The following RPS29 variants were observed in gnomAD, a reference collection of about 807,000 sequenced individuals.
RPS29 encodes small ribosomal subunit protein uS14.
For synonymous variants in RPS29, 37 were observed against 26.9 expected, an observed-to-expected ratio of 1.37 and a Z score of -1.16; for missense variants, 60 against 75.7, an observed-to-expected ratio of 0.79 and a Z score of 0.77.
chr14:49,598,660 A>C, exon 1 of RPS29: 1 of 700,762 alleles, frequency 1.4e-6, no homozygotes, highest in Non-Finnish European at 2.6e-6. Context: ...TAAAGCGTCA[A>C]CAGCTGAAAC....
At chr14:49,586,707 T>C (rs959375870), upstream of RPS29, 1 of 268,602 alleles carries the variant, frequency 3.7e-6, no homozygotes, top group South Asian at 4.2e-5. Flanking sequence ...AAGTTCGGCA[T>C]CAATATGGTG....
At chr14:49,589,424 G>A (rs1159587210), upstream of RPS29, among the ~76,000 whole-genome samples, 3 of 152,134 alleles carry the variant, frequency 2.0e-5, no homozygotes, top group African/African-American at 7.2e-5. Context: ...GCAAAGTATA[G>A]ATCTTATTTT....
exon 1 of RPS29, chr14:49,598,645 A>G: frequency 1.4e-6 from 1 of 700,912 alleles, no homozygotes; most frequent in Non-Finnish European, 2.6e-6. Flanking sequence ...TGCGCCCGCA[A>G]CGCGTAAAGC....
exon 3 of RPS29, chr14:49,573,124 G>GAAAGAA: frequency 1.3e-5 from 2 of 148,548 alleles, no homozygotes; most frequent in African/African-American, 5.1e-5. Context: ...AAGAAAGAAA[G>GAAAGAA]AGAAAGAAAG....
chr14:49,591,619 A>AT (rs35067386), intron 1 of RPS29, among the ~76,000 whole-genome samples: 23,055 of 117,068 alleles, frequency 0.2, 2,417 homozygotes, highest in Admixed American at 0.26. Context: ...GCCCAATTTG[A>AT]TTTTTTTTTT....
chr14:49,586,188 T>C, intron 1 of RPS29, 97 bp downstream of exon 1: 1 of 1,419,344 alleles, frequency 7.0e-7, no homozygotes, highest in Non-Finnish European at 1.0e-6. Flanking sequence ...CCAGTCGGCG[T>C]GCTCCCTCGT....
At chr14:49,583,392 AGAG>A (rs1181044756), downstream of RPS29, among the ~76,000 whole-genome samples, 1 of 152,126 alleles carries the variant, frequency 6.6e-6, no homozygotes, top group Non-Finnish European at 1.5e-5. Flanking sequence ...TCTACTAAAA[AGAG>A]AAGAATTAGC....
At chr14:49,582,268 AAG>A (rs1881362967), downstream of RPS29, among the ~76,000 whole-genome samples, 1 of 152,078 alleles carries the variant, frequency 6.6e-6, no homozygotes, top group Admixed American at 6.6e-5. Context: ...ACCTCTACAA[AAG>A]TAAGTTTCCA....
exon 1 of RPS29, chr14:49,598,661 C>A (rs1395903673): frequency 2.9e-6 from 2 of 700,728 alleles, no homozygotes; most frequent in African/African-American, 1.7e-5. Flanking sequence ...AAAGCGTCAA[C>A]AGCTGAAACC....
At chr14:49,598,000 G>A (rs1055790227) in intron 1 of RPS29, 2 of 169,338 alleles carry the variant, frequency 1.2e-5, no homozygotes, top group Non-Finnish European at 2.5e-5. Flanking sequence ...TTCAAAGAAT[G>A]AGGAATTAAC....
chr14:49,596,236 G>A (rs1288868968), intron 1 of RPS29, among the ~76,000 whole-genome samples: 2 of 152,142 alleles, frequency 1.3e-5, no homozygotes, highest in African/African-American at 2.4e-5. Context: ...CCAGGTAGAA[G>A]AAGAACTAAT....
chr14:49,587,523 T>C (rs1881615949), upstream of RPS29, among the ~76,000 whole-genome samples: 1 of 152,230 alleles, frequency 6.6e-6, no homozygotes, highest in Non-Finnish European at 1.5e-5. Flanking sequence ...AGGTATGTTA[T>C]GTCAGGGTTC....
At chr14:49,594,811 T>C (rs1012519906) in intron 1 of RPS29, among the ~76,000 whole-genome samples, 1 of 152,222 alleles carries the variant, frequency 6.6e-6, no homozygotes, top group African/African-American at 2.4e-5. Flanking sequence ...ACTGCAGTAA[T>C]TTAGATAAGA....
At chr14:49,596,715 T>C (rs1881829044) in intron 1 of RPS29, among the ~76,000 whole-genome samples, 1 of 151,978 alleles carries the variant, frequency 6.6e-6, no homozygotes, top group Non-Finnish European at 1.5e-5. Context: ...TTTATTTAAT[T>C]ACTGAATCCA....
At chr14:49,581,042 C>G (rs1200481212), downstream of RPS29, among the ~76,000 whole-genome samples, 4 of 151,360 alleles carry the variant, frequency 2.6e-5, no homozygotes, top group Non-Finnish European at 5.9e-5. Context: ...ACAAAATGAG[C>G]CGGGCATGGT....
At chr14:49,581,933 G>A (rs1014697055), downstream of RPS29, among the ~76,000 whole-genome samples, 1 of 146,516 alleles carries the variant, frequency 6.8e-6, no homozygotes, top group Non-Finnish European at 1.5e-5. Flanking sequence ...GAAGTGGAAG[G>A]ATAGCTTGAG....
At chr14:49,582,012 C>CCAAAAAAAGAA (rs71115379), downstream of RPS29, among the ~76,000 whole-genome samples, 1 of 106,534 alleles carries the variant, frequency 9.4e-6, no homozygotes, top group African/African-American at 4.5e-5. Context: ...CCCTGCCCCC[C>CCAAAAAAAGAA]AAAAAAAAAA....
chr14:49,583,552 A>G (rs1451928445), downstream of RPS29: 2 of 1,082,802 alleles, frequency 1.8e-6, no homozygotes, highest in East Asian at 5.1e-5. Context: ...TATTCCAGTC[A>G]CATTAGAACA....
chr14:49,592,826 T>G (rs1285230283), intron 1 of RPS29, among the ~76,000 whole-genome samples: 1 of 151,612 alleles, frequency 6.6e-6, no homozygotes, highest in Non-Finnish European at 1.5e-5. Flanking sequence ...GAGAATCGTT[T>G]GAACCCAGAA....
Sources: gnomAD v4.1 joint callset for allele counts (sites outside exome capture counted in the v4.1 genomes callset) on GRCh38, gnomAD v4.1.1 for gene constraint, MANE v1.5 for transcripts, NCBI Gene and HGNC (gene_info 2026-07-23, HGNC 2026-07-21) for gene names.